The following SORCS3 variants were observed in gnomAD, a reference collection of about 807,000 sequenced individuals.
SORCS3 encodes VPS10 domain-containing receptor SorCS3.
SORCS3 carries 57 observed loss-of-function variants against 146.3 expected under a neutral mutation model. The observed-to-expected ratio is 0.39, with a 90% CI of 0.31 to 0.49. The LOEUF (loss-of-function observed/expected upper bound fraction) is 0.49, where lower values mean the gene tolerates loss of function less well. SORCS3 is among the 20% of genes least tolerant of loss of function. SORCS3 has a pLI of 0.92. For missense variants in SORCS3, 1,341 were observed against 1,575.5 expected, an observed-to-expected ratio of 0.85 and a Z score of 2.52; for synonymous variants, 653 against 618.5, an observed-to-expected ratio of 1.06 and a Z score of -0.83.
At chr10:105,076,592 A>G (rs2055590853) in intron 5 of SORCS3, among the ~76,000 whole-genome samples, 1 of 152,200 alleles carries the variant, frequency 6.6e-6, no homozygotes, top group African/African-American at 2.4e-5. Context: ...TAGGAGACAC[A>G]GGGCCAACTG....
intron 7 of SORCS3, among the ~76,000 whole-genome samples, chr10:105,130,114 G>T (rs1344611227): frequency 6.6e-6 from 1 of 152,002 alleles, no homozygotes; most frequent in Non-Finnish European, 1.5e-5. Flanking sequence ...TTTCTATATT[G>T]AATTATATTT....
chr10:105,031,707 T>C (rs1353901727), intron 4 of SORCS3, among the ~76,000 whole-genome samples: 1 of 152,228 alleles, frequency 6.6e-6, no homozygotes, highest in Non-Finnish European at 1.5e-5. Context: ...TCACCTTTTG[T>C]TTCTGCTTCT....
At chr10:104,774,910 C>T (rs2017291688) in intron 1 of SORCS3, among the ~76,000 whole-genome samples, 1 of 152,152 alleles carries the variant, frequency 6.6e-6, no homozygotes, top group South Asian at 2.1e-4. Context: ...TGAGACATTC[C>T]TATTTAGGCT....
chr10:104,668,750 A>G (rs2015815236), intron 1 of SORCS3, among the ~76,000 whole-genome samples: 1 of 152,260 alleles, frequency 6.6e-6, no homozygotes, highest in Admixed American at 6.5e-5. Context: ...AGTTTGAATT[A>G]GAAGGGTCAG....
intron 4 of SORCS3, among the ~76,000 whole-genome samples, chr10:105,026,396 T>A (rs1178178152): frequency 6.6e-6 from 1 of 152,186 alleles, no homozygotes; most frequent in Non-Finnish European, 1.5e-5. Context: ...AGTCTTCTCT[T>A]TAAATGCATC....
At chr10:105,004,456 G>A (rs1168339425) in intron 4 of SORCS3, among the ~76,000 whole-genome samples, 1 of 152,132 alleles carries the variant, frequency 6.6e-6, no homozygotes, top group African/African-American at 2.4e-5. Context: ...AGACAGAGCT[G>A]GAATTAAGGG....
chr10:105,052,313 G>A (rs925368519), intron 5 of SORCS3, among the ~76,000 whole-genome samples: 9 of 151,628 alleles, frequency 5.9e-5, no homozygotes, highest in Non-Finnish European at 1.3e-4. Context: ...TGGCAACACC[G>A]GAAACACTGT....
chr10:105,211,896 A>C (rs2056636344), intron 17 of SORCS3, among the ~76,000 whole-genome samples: 1 of 152,156 alleles, frequency 6.6e-6, no homozygotes, highest in Non-Finnish European at 1.5e-5. Flanking sequence ...TAATGTGCCT[A>C]TCAATCATCT....
chr10:104,680,484 C>T (rs1039180490), intron 1 of SORCS3, among the ~76,000 whole-genome samples: 1 of 152,210 alleles, frequency 6.6e-6, no homozygotes, highest in African/African-American at 2.4e-5. Flanking sequence ...GGCTGTCCCC[C>T]GTGTGGACTC....
At chr10:105,211,699 G>A (rs2056635047) in intron 17 of SORCS3, among the ~76,000 whole-genome samples, 1 of 152,184 alleles carries the variant, frequency 6.6e-6, no homozygotes, top group African/African-American at 2.4e-5. Flanking sequence ...AAATGTCAAG[G>A]ATCCCTTTCA....
At chr10:104,935,982 C>T (rs903216447) in intron 3 of SORCS3, among the ~76,000 whole-genome samples, 1 of 152,092 alleles carries the variant, frequency 6.6e-6, no homozygotes, top group African/African-American at 2.4e-5. Context: ...GTCATTGCAT[C>T]AGGTCTGTGT....
chr10:104,891,655 C>T (rs1602242), intron 2 of SORCS3, among the ~76,000 whole-genome samples: 73,919 of 152,024 alleles, frequency 0.49, 21,358 homozygotes, highest in African/African-American at 0.82. Flanking sequence ...TTTATTAGTT[C>T]TTAAATTGTT....
intron 4 of SORCS3, among the ~76,000 whole-genome samples, chr10:105,000,419 T>C (rs2055054033): frequency 6.6e-6 from 1 of 152,074 alleles, no homozygotes; most frequent in Admixed American, 6.6e-5. Flanking sequence ...TGCTTTATTA[T>C]AAGGTGCCCC....
intron 2 of SORCS3, among the ~76,000 whole-genome samples, chr10:104,853,149 G>A (rs1162625496): frequency 1.3e-5 from 2 of 152,118 alleles, no homozygotes; most frequent in Admixed American, 6.5e-5. Context: ...AATACAAAAA[G>A]TTAGGCAGCC....
chr10:104,887,969 G>GA (rs1423236793), intron 2 of SORCS3, among the ~76,000 whole-genome samples: 3 of 73,672 alleles, frequency 4.1e-5, no homozygotes, highest in African/African-American at 8.5e-5. Context: ...CGGGGGGGCG[G>GA]GGGCGGAGCA....
chr10:105,174,998 A>G (rs915643870), intron 13 of SORCS3, among the ~76,000 whole-genome samples: 3 of 152,196 alleles, frequency 2.0e-5, no homozygotes, highest in African/African-American at 7.2e-5. Context: ...CCTTCCCTGC[A>G]ATGCTCATGG....
At chr10:104,711,935 C>T (rs2016422067) in intron 1 of SORCS3, among the ~76,000 whole-genome samples, 1 of 152,162 alleles carries the variant, frequency 6.6e-6, no homozygotes, top group Non-Finnish European at 1.5e-5. Context: ...ATCACCACTG[C>T]CTGCCCCGCT....
At chr10:105,056,491 G>A (rs59644304) in intron 5 of SORCS3, among the ~76,000 whole-genome samples, 8,973 of 152,282 alleles carry the variant, frequency 0.059, 287 homozygotes, top group Middle Eastern at 0.088. Flanking sequence ...TGCCAGATAA[G>A]TGGTTTGGAC....
intron 1 of SORCS3, among the ~76,000 whole-genome samples, chr10:104,831,814 G>A (rs1451857440): frequency 6.6e-6 from 1 of 152,154 alleles, no homozygotes; most frequent in African/African-American, 2.4e-5. Context: ...CAAGCACTCT[G>A]ATTTTTCACT....
Sources: gnomAD v4.1 joint callset for allele counts (sites outside exome capture counted in the v4.1 genomes callset) on GRCh38, gnomAD v4.1.1 for gene constraint, MANE v1.5 for transcripts, NCBI Gene and HGNC (gene_info 2026-07-23, HGNC 2026-07-21) for gene names.